Variants in POLE2 observed in about 807,000 individuals in gnomAD.
The protein encoded by POLE2 is DNA polymerase epsilon 2, accessory subunit, also known as DNA polymerase epsilon subunit 2.
A neutral mutation model predicts 79.4 loss-of-function variants in POLE2; 56 were observed. That is an observed-to-expected ratio of 0.71 (90% confidence interval 0.57 to 0.88). POLE2 has a LOEUF of 0.88. Among genes scored for constraint, POLE2 ranks in the 40% least tolerant of loss-of-function variants. The pLI is 0.00. For missense variants in POLE2, 598 were observed against 638.9 expected, an observed-to-expected ratio of 0.94 and a Z score of 0.69; for synonymous variants, 212 against 214.0, an observed-to-expected ratio of 0.99 and a Z score of 0.08.
chr14:49,659,444 A>G (rs998566276), intron 10 of POLE2, among the ~76,000 whole-genome samples: 2 of 152,184 alleles, frequency 1.3e-5, no homozygotes, highest in African/African-American at 4.8e-5. Flanking sequence ...TCACAAAATC[A>G]GGATACAAAG....
Position 49,650,382 on chromosome 14 carries a change from T to G in POLE2, c.1380A>C (p.Pro460=), listed in dbSNP as rs1566528518. The change falls in exon 17 of 19, where the codon CCA becomes CCC. Residue 460 remains proline (P), a synonymous_variant. Coordinates refer to ENST00000216367, the MANE Select transcript of POLE2 (RefSeq NM_002692.4). ...HLTPLPLYVC[P]VYWAYDYALR... is the part of the protein sequence containing the mutation. ...AAGCATAGTCATATGCCCAATACACTGGGCAGACATAAAGAGGTAGGGGAG... is the reference window on the plus strand; with the variant it reads ...AAGCATAGTCATATGCCCAATACACGGGGCAGACATAAAGAGGTAGGGGAG... The G allele has an allele frequency of 6.3e-7, 1 of 1,596,776 alleles. No individual in the cohort carries two copies. The highest frequency in any genetic ancestry group is 8.5e-7 in the Non-Finnish European group (1 of 1,169,798).
chr14:49,645,449 T>G (rs1018555496), intron 18 of POLE2, among the ~76,000 whole-genome samples: 6 of 152,244 alleles, frequency 3.9e-5, no homozygotes, highest in Non-Finnish European at 7.3e-5. Context: ...CTTGAAACTT[T>G]TCTGTTTTCC....
rs557459554 is a variant in POLE2 at position 49,643,757 on chromosome 14, GTTAA to G, written c.1566-91_1566-88del. On this transcript the variant is annotated intron_variant, in intron 18 of 18. Transcript: ENST00000216367. Reference sequence around the variant, plus strand: ...TAGTTAATTTTTTTAAATAGGTATAGTTAATTGATTTTTAAAAACAGGTCAATAC... The same window carrying G: ...TAGTTAATTTTTTTAAATAGGTATAGTTGATTTTTAAAAACAGGTCAATAC... 3.2e-3 allele frequency: 1,984 copies of G among 616,510 alleles called. 23 individuals carry two copies. Among genetic ancestry groups the G allele is most frequent in the Non-Finnish European group, 1.7e-3 (618 of 357,534 alleles). The allele number at this position is 616,510 out of a possible 1,614,324, so 38.2% of individuals were successfully genotyped here. A position where few individuals can be genotyped will look rare whatever the true frequency, so the allele number is the denominator to read the frequency against.
At chr14:49,669,983 A>C (rs1885757974) in intron 5 of POLE2, among the ~76,000 whole-genome samples, 1 of 152,122 alleles carries the variant, frequency 6.6e-6, no homozygotes, top group Non-Finnish European at 1.5e-5. Context: ...CAGATGATAA[A>C]TAAGATTTGG....
chr14:49,681,314 A>G (rs980491874), intron 2 of POLE2: 1 of 216,570 alleles, frequency 4.6e-6, no homozygotes, highest in African/African-American at 2.3e-5. Flanking sequence ...TTTTACTGAC[A>G]GGTTGAATAG....
At chr14:49,679,946 A>C (rs1416428875) in intron 2 of POLE2, 146 bp from the exon 3 acceptor site, 1 of 590,418 alleles carries the variant, frequency 1.7e-6, no homozygotes, top group Non-Finnish European at 3.0e-6. Flanking sequence ...GTGTTAGGTC[A>C]GAACAATAAC....
At chr14:49,652,000 C>A (rs1417287819) in intron 15 of POLE2, among the ~76,000 whole-genome samples, 8 of 151,954 alleles carry the variant, frequency 5.3e-5, no homozygotes, top group Non-Finnish European at 1.5e-5. Context: ...GGTAACGGAG[C>A]CAGATAACAC....
At position 49,663,328 on chromosome 14, in the gene POLE2, A is replaced by T; in HGVS notation, c.742T>A (p.Ser248Thr). Residue 248 changes from serine to threonine, a missense_variant, in exon 10 of 19, where the codon TCT becomes ACT. Coordinates refer to ENST00000216367, the MANE Select transcript of POLE2 (RefSeq NM_002692.4). ...ACATTTTAATACCTAGTAGTACTAG[A>T]GGGCTCAGTGGGTGGAAATCCAAAG... is the stretch of plus-strand genomic sequence containing the variant. Reference protein sequence around the residue: ...NAFGFPPTEPSSTTRAYYGNI... With the variant: ...NAFGFPPTEPTSTTRAYYGNI... 6.2e-7 allele frequency: 1 copy of T among 1,600,922 alleles called. No homozygotes were observed. Among genetic ancestry groups the T allele is most frequent in the Non-Finnish European group, 8.5e-7 (1 of 1,169,928 alleles).
At chr14:49,679,640 C>A in intron 3 of POLE2, 85 bp downstream of exon 3, 1 of 703,450 alleles carries the variant, frequency 1.4e-6, no homozygotes, top group Admixed American at 2.4e-5. Flanking sequence ...AAACGTTGAT[C>A]ACTAATAATT....
chr14:49,676,572 T>C (rs1054471929), intron 3 of POLE2, among the ~76,000 whole-genome samples: 1 of 152,258 alleles, frequency 6.6e-6, no homozygotes, highest in Non-Finnish European at 1.5e-5. Flanking sequence ...TGGACCTCCA[T>C]GTAGGCTGGC....
chr14:49,670,662 G>A (rs2139663116), intron 5 of POLE2, among the ~76,000 whole-genome samples: 1 of 152,340 alleles, frequency 6.6e-6, no homozygotes, highest in East Asian at 1.9e-4. Flanking sequence ...TTTTGCTAGA[G>A]CTATTAGAAA....
chr14:49,687,969 A>C (rs1272406023), intron 1 of POLE2, among the ~76,000 whole-genome samples, 167 bp downstream of exon 1: 1 of 152,088 alleles, frequency 6.6e-6, no homozygotes, highest in Admixed American at 6.6e-5. Flanking sequence ...AAGTGCTGGG[A>C]TTACAAGCGT....
intron 7 of POLE2, among the ~76,000 whole-genome samples, chr14:49,666,117 G>C (rs1042840999): frequency 6.6e-6 from 1 of 152,136 alleles, no homozygotes; most frequent in Non-Finnish European, 1.5e-5. Context: ...GTGAGCCACC[G>C]CGCCCAGCCA....
At chr14:49,647,162 A>G (rs967775235) in intron 18 of POLE2, 131 bp downstream of exon 18, 2 of 579,074 alleles carry the variant, frequency 3.5e-6, no homozygotes, top group African/African-American at 3.9e-5. Flanking sequence ...TGATAAGCTC[A>G]GCCAATAATA....
chr14:49,654,427 T>C (rs975960327), intron 13 of POLE2: 8 of 506,760 alleles, frequency 1.6e-5, no homozygotes, highest in African/African-American at 1.4e-4. Flanking sequence ...AATTGAACAC[T>C]TGAATTGTGG....
At chr14:49,686,443 G>A (rs998820073) in intron 1 of POLE2, among the ~76,000 whole-genome samples, 1 of 152,136 alleles carries the variant, frequency 6.6e-6, no homozygotes, top group Non-Finnish European at 1.5e-5. Flanking sequence ...GCCAACAACT[G>A]AATGAGCTTG....
chr14:49,672,122 A>G (rs1355838433), intron 5 of POLE2, among the ~76,000 whole-genome samples: 1 of 152,256 alleles, frequency 6.6e-6, no homozygotes, highest in Non-Finnish European at 1.5e-5. Context: ...GTAGTGAAAG[A>G]AACAGAAACA....
At chr14:49,656,544 G>C (rs1480763114) in intron 10 of POLE2, among the ~76,000 whole-genome samples, 1 of 152,056 alleles carries the variant, frequency 6.6e-6, no homozygotes, top group Non-Finnish European at 1.5e-5. Context: ...TATATACAAA[G>C]ACTAGCCTAT....
intron 10 of POLE2, among the ~76,000 whole-genome samples, chr14:49,657,899 A>G (rs1035778279): frequency 3.3e-5 from 5 of 152,220 alleles, no homozygotes; most frequent in Admixed American, 1.3e-4. Flanking sequence ...GGTAGATTCT[A>G]TTTTTACAAA....
Sources: allele counts gnomAD v4.1 joint callset (sites outside exome capture counted in the v4.1 genomes callset), GRCh38; gene constraint gnomAD v4.1.1; transcripts MANE v1.5; gene names NCBI Gene and HGNC (gene_info 2026-07-23, HGNC 2026-07-21).